Variants in NCOA7 observed in about 807,000 individuals in gnomAD.
NCOA7 encodes the protein 140 kDa estrogen receptor-associated protein.
Under a neutral mutation model 104.3 loss-of-function variants are expected in NCOA7, and 45 were observed. The ratio of observed to expected loss-of-function variants is 0.43; its 90% CI spans 0.34 to 0.55. The LOEUF is 0.55. Ranked by LOEUF, NCOA7 falls within the 20% of genes least tolerant of loss-of-function variation. NCOA7 has a pLI of 0.02. For synonymous variants in NCOA7, 398 were observed against 402.3 expected (o/e 0.99, Z 0.13); for missense variants, 1,041 against 1,119.7 (o/e 0.93, Z 1.00).
At position 125,795,186 on chromosome 6, in the gene NCOA7, G is replaced by T. The variant is rs562656459; in HGVS notation, c.-65+4119G>T. On this transcript the variant is annotated intron_variant, in intron 1 of 15. Coordinates refer to ENST00000392477, the MANE Select transcript of NCOA7 (RefSeq NM_181782.5). ...AGCAGAAAGATTGGCCTTTCTCAAGGGTCAGTCATTGGTACAGTCTGGTAG... is the reference window on the plus strand; with the variant it reads ...AGCAGAAAGATTGGCCTTTCTCAAGTGTCAGTCATTGGTACAGTCTGGTAG... 2.6e-5 allele frequency among the ~76,000 whole-genome samples: 4 copies of T among 152,194 alleles called. No homozygotes were observed. The East Asian group carries it at 7.7e-4, about 29-fold the overall frequency.
intron 1 of NCOA7, among the ~76,000 whole-genome samples, chr6:125,784,322 A>C (rs1399132012): frequency 6.6e-6 from 1 of 152,226 alleles, no homozygotes; most frequent in Non-Finnish European, 1.5e-5. Flanking sequence ...CTTAAAACTT[A>C]GTCTGGTAGA....
chr6:125,867,091 T>A (rs1782500191), intron 3 of NCOA7, among the ~76,000 whole-genome samples: 2 of 152,232 alleles, frequency 1.3e-5, no homozygotes, highest in African/African-American at 4.8e-5. Flanking sequence ...CTTGTCATTG[T>A]CTTGTTATAT....
chr6:125,806,367 C>T (rs1776454319), intron 1 of NCOA7, among the ~76,000 whole-genome samples: 2 of 151,924 alleles, frequency 1.3e-5, no homozygotes, highest in Non-Finnish European at 1.5e-5. Flanking sequence ...TAAAAGGTAC[C>T]CTTCTGCCTT....
chr6:125,905,328 C>T lies in NCOA7; in HGVS notation c.2097-10005C>T, dbSNP rs975163023. Among the ~76,000 whole-genome samples the T allele has an allele frequency of 5.4e-5, 8 of 149,494 alleles. No individual in the cohort carries two copies. In the South Asian group the frequency reaches 1.1e-3, roughly 20 times the overall value. ...CTGGAGTGCAGCGGTGCGATCTCGG[C>T]TCATTGCAACCTATGCCTCCGGGGT... On this transcript the variant is annotated intron_variant, in intron 10 of 15. Transcript: ENST00000392477.
At chr6:125,787,889 C>T (rs1774543328), upstream of NCOA7, among the ~76,000 whole-genome samples, 1 of 152,154 alleles carries the variant, frequency 6.6e-6, no homozygotes, top group African/African-American at 2.4e-5. Context: ...CCTTTAATTC[C>T]TATATCCACC....
intron 2 of NCOA7, among the ~76,000 whole-genome samples, chr6:125,854,716 A>C (rs1004619427): frequency 6.6e-6 from 1 of 152,212 alleles, no homozygotes; most frequent in African/African-American, 2.4e-5. Context: ...ATTTTTAAAA[A>C]TACTCAACAT....
rs761786594 is a variant in NCOA7 at position 125,815,338 on chromosome 6, A to C, written c.-17A>C. 1 of 1,593,556 alleles carries C rather than the reference A, an allele frequency of 6.3e-7. No homozygotes were observed. The highest frequency in any genetic ancestry group is 1.3e-5 in the African/African-American group (1 of 74,282). ...AGAGGGACTTTTTCAAATACTTTGC[A>C]CTTTTGATTGTGTATTATGGATACC... On this transcript the variant is annotated 5_prime_UTR_variant, in exon 2 of 16. Coordinates refer to ENST00000392477, the MANE Select transcript of NCOA7 (RefSeq NM_181782.5).
intron 2 of NCOA7, among the ~76,000 whole-genome samples, chr6:125,852,034 A>G (rs571270701): frequency 2.0e-5 from 3 of 152,122 alleles, no homozygotes; most frequent in African/African-American, 7.2e-5. Context: ...ATTTTCTCCC[A>G]TTCTGTCTGT....
At chr6:125,817,300 G>T (rs1030532888) in intron 2 of NCOA7, among the ~76,000 whole-genome samples, 3 of 152,082 alleles carry the variant, frequency 2.0e-5, no homozygotes, top group Non-Finnish European at 4.4e-5. Context: ...GCAATTGCTG[G>T]GTCAAAAGAT....
intron 1 of NCOA7, among the ~76,000 whole-genome samples, chr6:125,799,978 A>T (rs1449442968): frequency 1.3e-5 from 2 of 152,212 alleles, no homozygotes; most frequent in Non-Finnish European, 2.9e-5. Flanking sequence ...AGTCTTACAG[A>T]TATTTGCCTG....
upstream of NCOA7, among the ~76,000 whole-genome samples, chr6:125,789,919 C>T (rs1306012743): frequency 6.6e-6 from 1 of 152,196 alleles, no homozygotes; most frequent in Non-Finnish European, 1.5e-5. Flanking sequence ...GAATGAACTC[C>T]ACGGCCAGAT....
chr6:125,783,387 C>T (rs1774313372), intron 1 of NCOA7, among the ~76,000 whole-genome samples: 1 of 152,190 alleles, frequency 6.6e-6, no homozygotes, highest in South Asian at 2.1e-4. Context: ...TTAGCATTCA[C>T]TGATGATCCT....
chr6:125,863,583 T>C (rs2080793244), intron 3 of NCOA7, among the ~76,000 whole-genome samples: 1 of 138,056 alleles, frequency 7.2e-6, no homozygotes. Flanking sequence ...AAAATTAAAT[T>C]AGAAGTAAAC....
At chr6:125,826,519 A>G (rs573135229) in intron 2 of NCOA7, among the ~76,000 whole-genome samples, 2 of 152,004 alleles carry the variant, frequency 1.3e-5, no homozygotes, top group Non-Finnish European at 2.9e-5. Context: ...AGCCGATGCA[A>G]CTAGATATTT....
intron 10 of NCOA7, among the ~76,000 whole-genome samples, chr6:125,909,869 T>C (rs1786368142): frequency 6.6e-6 from 1 of 151,850 alleles, no homozygotes; most frequent in Non-Finnish European, 1.5e-5. Flanking sequence ...TGAGGGAGGA[T>C]TCAAGGAAGC....
At chr6:125,857,389 C>T (rs972184290) in intron 3 of NCOA7, among the ~76,000 whole-genome samples, 24 of 151,768 alleles carry the variant, frequency 1.6e-4, no homozygotes, top group African/African-American at 5.8e-4. Context: ...AGGCATATGA[C>T]ACCACACTCA....
intron 2 of NCOA7, among the ~76,000 whole-genome samples, chr6:125,819,596 G>A (rs1562825854): frequency 6.6e-6 from 1 of 152,104 alleles, no homozygotes; most frequent in East Asian, 1.9e-4. Flanking sequence ...TTAATTTCTT[G>A]ATCCCTGACA....
chr6:125,850,338 G>A (rs112603445), intron 2 of NCOA7, among the ~76,000 whole-genome samples: 44 of 152,270 alleles, frequency 2.9e-4, no homozygotes, highest in Middle Eastern at 3.4e-3. Flanking sequence ...TTATCTGATT[G>A]TAGAATTTCT....
rs909040261 is a variant in NCOA7 at position 125,929,575 on chromosome 6, A to G, written c.*804A>G. 1 of 152,138 alleles carries G rather than the reference A, an allele frequency of 6.6e-6. No individual in the cohort carries two copies. The highest frequency in any genetic ancestry group is 1.5e-5 in the Non-Finnish European group (1 of 68,016). The allele number at this position is 152,138 out of a possible 1,614,324, so 9.4% of individuals were successfully genotyped here. A position where few individuals can be genotyped will look rare whatever the true frequency, so the allele number is the denominator to read the frequency against. On this transcript the variant is annotated 3_prime_UTR_variant, in exon 16 of 16. Coordinates refer to ENST00000392477, the MANE Select transcript of NCOA7 (RefSeq NM_181782.5). ...AAAAACTCATTATGAATGTTCATCA[A>G]TTTGACTATTATAGGCCAGCTTTCC...
Sources: allele counts gnomAD v4.1 joint callset (sites outside exome capture counted in the v4.1 genomes callset), GRCh38; gene constraint gnomAD v4.1.1; transcripts MANE v1.5; gene names NCBI Gene and HGNC (gene_info 2026-07-23, HGNC 2026-07-21).